The following SNX13 variants were observed in gnomAD, a reference collection of about 807,000 sequenced individuals.
The protein encoded by SNX13 is sorting nexin 13.
In SNX13, 45 loss-of-function variants were observed where a neutral mutation model predicts 133.6. That is an observed-to-expected ratio of 0.34 (90% CI 0.27 to 0.43). SNX13 has a LOEUF of 0.43. Ranked by LOEUF, SNX13 falls within the 20% of genes least tolerant of loss-of-function variation. The pLI is 1.00. For missense variants in SNX13, 1,032 were observed against 1,145.1 expected (o/e 0.90, Z 1.43); for synonymous variants, 414 against 373.9 (o/e 1.11, Z -1.24).
chr7:17,847,022 G>C (rs1790623482), intron 11 of SNX13, among the ~76,000 whole-genome samples: 1 of 152,124 alleles, frequency 6.6e-6, no homozygotes, highest in African/African-American at 2.4e-5. Context: ...GAATTGACAG[G>C]CTTGCAAACA....
At chr7:17,863,147 A>G (rs1198326839) in intron 9 of SNX13, among the ~76,000 whole-genome samples, 3 of 152,024 alleles carry the variant, frequency 2.0e-5, no homozygotes, top group African/African-American at 7.3e-5. Flanking sequence ...GCCCTGAGCC[A>G]GAGCAGAATT....
chr7:17,875,256 C>T (rs1274929769), intron 7 of SNX13, among the ~76,000 whole-genome samples: 1 of 152,102 alleles, frequency 6.6e-6, no homozygotes, highest in Non-Finnish European at 1.5e-5. Flanking sequence ...GCATGAGCCA[C>T]TGCACCCAGC....
At chr7:17,801,694 C>T (rs1784664306) in intron 21 of SNX13, 35 bp from the exon 22 acceptor site, 1 of 1,479,140 alleles carries the variant, frequency 6.8e-7, no homozygotes, top group Non-Finnish European at 9.3e-7. Flanking sequence ...AGTAAACACA[C>T]TAAAGCAGAC....
chr7:17,918,236 T>C (rs1031403615), intron 1 of SNX13, among the ~76,000 whole-genome samples: 7 of 152,110 alleles, frequency 4.6e-5, no homozygotes, highest in Non-Finnish European at 7.4e-5. Flanking sequence ...AAAGAATTTA[T>C]AAGTCCTCAA....
chr7:17,854,963 A>C (rs1158269233), intron 9 of SNX13, among the ~76,000 whole-genome samples: 1 of 152,210 alleles, frequency 6.6e-6, no homozygotes, highest in African/African-American at 2.4e-5. Context: ...GCACTAAACA[A>C]TTATCCAATA....
At chr7:17,807,434 T>C (rs1785437244) in intron 20 of SNX13, among the ~76,000 whole-genome samples, 1 of 152,154 alleles carries the variant, frequency 6.6e-6, no homozygotes, top group Non-Finnish European at 1.5e-5. Flanking sequence ...AGATTCCTCC[T>C]CTGGGCAGGA....
intron 5 of SNX13, among the ~76,000 whole-genome samples, chr7:17,886,934 G>A (rs769281648): frequency 1.4e-5 from 2 of 147,974 alleles, no homozygotes; most frequent in Non-Finnish European, 3.0e-5. Flanking sequence ...TATGTTTCAT[G>A]TGCCTTAATT....
chr7:17,917,844 T>C (rs1277367994), intron 1 of SNX13, among the ~76,000 whole-genome samples: 1 of 151,984 alleles, frequency 6.6e-6, no homozygotes, highest in Non-Finnish European at 1.5e-5. Flanking sequence ...GCCAAAGCAA[T>C]CCCAAGCAAA....
chr7:17,846,161 A>C (rs1790497283), intron 11 of SNX13, among the ~76,000 whole-genome samples: 1 of 152,154 alleles, frequency 6.6e-6, no homozygotes, highest in Non-Finnish European at 1.5e-5. Context: ...TATTAGATAA[A>C]ATGTGTTTTT....
chr7:17,861,211 A>G (rs1792630937), intron 9 of SNX13, among the ~76,000 whole-genome samples: 1 of 152,012 alleles, frequency 6.6e-6, no homozygotes. Flanking sequence ...GTTGCACAGT[A>G]CAATAGGGAC....
chr7:17,898,121 A>AT (rs1276863394), intron 1 of SNX13: 2 of 152,006 alleles, frequency 1.3e-5, no homozygotes, highest in Non-Finnish European at 2.9e-5. Context: ...GTTTTAGCCA[A>AT]TTAAAAAAAA....
chr7:17,911,594 C>T (rs1024469776), intron 1 of SNX13, among the ~76,000 whole-genome samples: 8 of 150,374 alleles, frequency 5.3e-5, no homozygotes, highest in East Asian at 3.9e-4. Context: ...GCCAAGATCG[C>T]GCCACTGCAC....
At chr7:17,885,190 C>T (rs908861204) in intron 5 of SNX13, among the ~76,000 whole-genome samples, 1 of 150,208 alleles carries the variant, frequency 6.7e-6, no homozygotes. Context: ...TATGCCACAA[C>T]ATGAATGAAC....
Position 17,839,825 on chromosome 7 carries a change from T to G in SNX13, c.1341A>C (p.Glu447Asp), listed in dbSNP as rs760879174. The G allele has an allele frequency of 6.2e-7, 1 of 1,609,742 alleles. No individual in the cohort carries two copies. Among genetic ancestry groups the G allele is most frequent in the Non-Finnish European group, 8.5e-7 (1 of 1,177,594 alleles). The change falls in exon 13 of 26, where the codon GAA (glutamate) becomes GAC (aspartate). Residue 447 changes from glutamate (E) to aspartate (D), a missense_variant. Coordinates refer to ENST00000428135, the MANE Select transcript of SNX13 (RefSeq NM_015132.5). ...LLRAAAVGIY[E>D]QYLSEKASPR... is the part of the protein sequence containing the mutation. ...GCCTCACCTTTTCTGATAAATACTGTTCATAAATTCCAACAGCAGCTGCTC... is the reference window on the plus strand; with the variant it reads ...GCCTCACCTTTTCTGATAAATACTGGTCATAAATTCCAACAGCAGCTGCTC...
At chr7:17,808,784 G>A (rs916375091) in intron 20 of SNX13, among the ~76,000 whole-genome samples, 3 of 152,162 alleles carry the variant, frequency 2.0e-5, no homozygotes, top group Admixed American at 2.0e-4. Context: ...AGCCAGAAGA[G>A]AGTGAGGGCC....
Position 17,814,878 on chromosome 7 carries a change from CA to C in SNX13, c.2019del (p.Glu674ArgfsTer20). ...TTTCCTTTACTGTAGGCTTTGTTCT[CA>C]AGGAAATCATACACATAGTGAGCTA... Reference protein sequence around the residue: ...PALAHYVYDFLENKAYSKGKG... With the variant: ...PALAHYVYDFXENKAYSKGKG... On this transcript the variant is annotated frameshift_variant, in exon 20 of 26. Coordinates refer to ENST00000428135, the MANE Select transcript of SNX13 (RefSeq NM_015132.5). LOFTEE classifies it high-confidence loss of function. The C allele has an allele frequency of 6.4e-7, 1 of 1,554,094 alleles. No homozygotes were observed. Among genetic ancestry groups the C allele is most frequent in the Non-Finnish European group, 8.6e-7 (1 of 1,156,088 alleles).
chr7:17,889,447 A>G (rs1028356899), intron 5 of SNX13: 2 of 152,110 alleles, frequency 1.3e-5, no homozygotes, highest in African/African-American at 4.8e-5. Flanking sequence ...GGCTGGAAAT[A>G]CCTAGCAGGG....
At position 17,891,526 on chromosome 7, in the gene SNX13, T is replaced by A. The variant is rs756795901; in HGVS notation, c.318+20A>T. 7.0e-6 allele frequency: 11 copies of A among 1,574,278 alleles called. No individual in the cohort carries two copies. The East Asian group carries it at 2.5e-4, about 35-fold the overall frequency. ...TAGAACACAATATATAGAATTCAAATACCACACGCTGAAACTCACTTGCTG... is the reference window on the plus strand; with the variant it reads ...TAGAACACAATATATAGAATTCAAAAACCACACGCTGAAACTCACTTGCTG... On this transcript the variant is annotated intron_variant, in intron 4 of 25. Transcript: ENST00000428135.
At chr7:17,845,734 T>G (rs1204155341) in intron 11 of SNX13, 40 bp from the exon 12 acceptor site, 40 of 1,330,490 alleles carry the variant, frequency 3.0e-5, no homozygotes, top group Non-Finnish European at 4.1e-5. Flanking sequence ...TTTTATCTAA[T>G]CATTCATTGT....
Sources: gnomAD v4.1 joint callset for allele counts (sites outside exome capture counted in the v4.1 genomes callset) on GRCh38, gnomAD v4.1.1 for gene constraint, MANE v1.5 for transcripts, NCBI Gene and HGNC (gene_info 2026-07-23, HGNC 2026-07-21) for gene names.